The following TENM2 variants were observed in gnomAD, a reference collection of about 807,000 sequenced individuals.
TENM2 encodes the protein teneurin transmembrane protein 2.
TENM2 carries 52 observed loss-of-function variants against 245.2 expected under a neutral mutation model. The ratio of observed to expected loss-of-function variants is 0.21; its 90% CI spans 0.17 to 0.27. TENM2 has a LOEUF of 0.27. Ranked by LOEUF, TENM2 falls within the 10% of genes least tolerant of loss-of-function variation. The probability of loss-of-function intolerance (pLI) is 1.00; values close to 1 mark genes in which losing one functional copy is unlikely to be tolerated. For synonymous variants in TENM2, 1,363 were observed against 1,438.9 expected, an observed-to-expected ratio of 0.95 and a Z score of 1.19; for missense variants, 3,046 against 3,666.8, an observed-to-expected ratio of 0.83 and a Z score of 4.37.
At chr5:167,449,626 C>T (rs567063279) in intron 2 of TENM2, among the ~76,000 whole-genome samples, 4 of 152,200 alleles carry the variant, frequency 2.6e-5, no homozygotes, top group African/African-American at 7.2e-5. Flanking sequence ...TCTAATTTCA[C>T]ATGTATACTG....
intron 2 of TENM2, among the ~76,000 whole-genome samples, chr5:167,707,364 C>T (rs1758606945): frequency 6.6e-6 from 1 of 152,150 alleles, no homozygotes; most frequent in South Asian, 2.1e-4. Flanking sequence ...TCTTCCATTC[C>T]AAAGATAGCC....
intron 2 of TENM2, among the ~76,000 whole-genome samples, chr5:167,387,285 A>C (rs1761494440): frequency 6.6e-6 from 1 of 151,790 alleles, no homozygotes; most frequent in East Asian, 1.9e-4. Flanking sequence ...TGGTTATTGT[A>C]AAAGGGGTTG....
intron 2 of TENM2, among the ~76,000 whole-genome samples, chr5:167,542,523 T>A (rs1772282337): frequency 6.6e-6 from 1 of 152,122 alleles, no homozygotes; most frequent in Admixed American, 6.5e-5. Context: ...GGAATCCAAA[T>A]GTTAGTGAAC....
At chr5:167,288,288 G>A (rs1465539812) in intron 1 of TENM2, among the ~76,000 whole-genome samples, 4 of 151,994 alleles carry the variant, frequency 2.6e-5, no homozygotes, top group Non-Finnish European at 5.9e-5. Context: ...AGGCGGGCGC[G>A]GTGGCTCACA....
intron 2 of TENM2, among the ~76,000 whole-genome samples, chr5:167,476,814 G>C (rs540543010): frequency 6.6e-6 from 1 of 152,080 alleles, no homozygotes; most frequent in Non-Finnish European, 1.5e-5. Flanking sequence ...GGCCAGGCTG[G>C]TCTCGAACTC....
chr5:167,656,524 C>T (rs995225319), intron 2 of TENM2, among the ~76,000 whole-genome samples: 2 of 152,034 alleles, frequency 1.3e-5, no homozygotes, highest in Non-Finnish European at 2.9e-5. Flanking sequence ...GTAAGGGCTA[C>T]TAGGCCAGGG....
At chr5:168,207,867 A>G (rs1176977410) in intron 19 of TENM2, among the ~76,000 whole-genome samples, 2 of 152,132 alleles carry the variant, frequency 1.3e-5, no homozygotes, top group African/African-American at 4.8e-5. Context: ...GACAAGTTCT[A>G]TACACTTAAA....
At chr5:167,127,527 A>AATTAAC in the TENM2 span, among the ~76,000 whole-genome samples, 2 of 152,018 alleles carry the variant, frequency 1.3e-5, no homozygotes, top group Non-Finnish European at 2.9e-5. Flanking sequence ...ATAACCTTAA[A>AATTAAC]ATTAACATCG....
At chr5:167,240,591 C>T in the TENM2 span, among the ~76,000 whole-genome samples, 2 of 152,074 alleles carry the variant, frequency 1.3e-5, no homozygotes, top group Admixed American at 6.6e-5. Flanking sequence ...GTGCGTTGAC[C>T]CAGCCATCTA....
chr5:167,824,235 C>A (rs1235984409), intron 2 of TENM2, among the ~76,000 whole-genome samples: 1 of 152,212 alleles, frequency 6.6e-6, no homozygotes, highest in Non-Finnish European at 1.5e-5. Context: ...GCCTGACACT[C>A]TGACAGACCC....
chr5:167,831,005 T>C (rs538437950), intron 2 of TENM2, among the ~76,000 whole-genome samples: 1 of 152,308 alleles, frequency 6.6e-6, no homozygotes, highest in African/African-American at 2.4e-5. Flanking sequence ...TTCACCTCTG[T>C]CTGTCTTGCT....
At chr5:167,477,264 T>A (rs1451678159) in intron 2 of TENM2, among the ~76,000 whole-genome samples, 2 of 140,488 alleles carry the variant, frequency 1.4e-5, no homozygotes, top group Non-Finnish European at 1.5e-5. Flanking sequence ...TGAATAATAG[T>A]AAAAAAAAAA....
intron 2 of TENM2, among the ~76,000 whole-genome samples, chr5:167,526,667 A>T (rs531301280): frequency 6.6e-6 from 1 of 152,164 alleles, no homozygotes; most frequent in African/African-American, 2.4e-5. Context: ...ACTTAAGAAA[A>T]ATTTCTCTGG....
intron 2 of TENM2, among the ~76,000 whole-genome samples, chr5:167,609,001 T>A (rs1777257091): frequency 6.8e-6 from 1 of 147,668 alleles, no homozygotes; most frequent in African/African-American, 2.4e-5. Flanking sequence ...TGTAAAAAAA[T>A]GAATGGAGTG....
At chr5:168,010,782 C>T (rs1253084952) in intron 5 of TENM2, among the ~76,000 whole-genome samples, 2 of 152,200 alleles carry the variant, frequency 1.3e-5, no homozygotes, top group Non-Finnish European at 2.9e-5. Flanking sequence ...TTATAGTTTC[C>T]GTGTGGGAGA....
the TENM2 span, among the ~76,000 whole-genome samples, chr5:167,173,719 G>GTA: frequency 6.6e-6 from 1 of 151,878 alleles, no homozygotes; most frequent in African/African-American, 2.4e-5. Context: ...GTGTGTGTGT[G>GTA]TGTGTGTGTG....
At chr5:167,577,136 A>G (rs1424691270) in intron 2 of TENM2, among the ~76,000 whole-genome samples, 13 of 152,206 alleles carry the variant, frequency 8.5e-5, no homozygotes, top group Non-Finnish European at 1.9e-4. Context: ...TCGTACCCAG[A>G]CAGGAACTGA....
intron 5 of TENM2, among the ~76,000 whole-genome samples, chr5:168,004,022 A>G (rs1157672575): frequency 6.6e-6 from 1 of 152,224 alleles, no homozygotes; most frequent in Non-Finnish European, 1.5e-5. Flanking sequence ...AGAGATGGAA[A>G]GACTGAATGT....
chr5:167,910,686 C>T (rs1776476331), intron 3 of TENM2, among the ~76,000 whole-genome samples: 1 of 152,172 alleles, frequency 6.6e-6, no homozygotes, highest in African/African-American at 2.4e-5. Flanking sequence ...TATTAAATCA[C>T]TCTTCCATGG....
Sources: allele counts gnomAD v4.1 joint callset (sites outside exome capture counted in the v4.1 genomes callset), GRCh38; gene constraint gnomAD v4.1.1; transcripts MANE v1.5; gene names NCBI Gene and HGNC (gene_info 2026-07-23, HGNC 2026-07-21).